Variants in SOAT2 observed in about 807,000 individuals in gnomAD.
The protein encoded by SOAT2 is sterol O-acyltransferase 2, also known as ACAT-2.
In SOAT2, 87 loss-of-function variants were observed where a neutral mutation model predicts 76.0. The observed-to-expected ratio is 1.14, with a 90% CI of 0.96 to 1.37. The LOEUF (loss-of-function observed/expected upper bound fraction) is 1.37, where lower values mean the gene tolerates loss of function less well. SOAT2 is among the 40% of genes most tolerant of loss of function. The pLI, the probability that SOAT2 is intolerant of heterozygous loss-of-function variation, is 0.00. For missense variants in SOAT2, 686 were observed against 682.1 expected, an observed-to-expected ratio of 1.01 and a Z score of -0.06; for synonymous variants, 285 against 275.4, an observed-to-expected ratio of 1.03 and a Z score of -0.34.
chr12:53,114,810 G>A (rs897220568), intron 5 of SOAT2, among the ~76,000 whole-genome samples: 7 of 152,128 alleles, frequency 4.6e-5, no homozygotes, highest in African/African-American at 2.4e-5. Flanking sequence ...GAGGTTTCAC[G>A]TAAACAAGAA....
At chr12:53,119,019 G>T in intron 9 of SOAT2, 84 bp downstream of exon 9, 1 of 1,610,108 alleles carries the variant, frequency 6.2e-7, no homozygotes. Context: ...GAGGCAGTGG[G>T]AGGGTGATGC....
At chr12:53,111,271 A>G (rs945109248) in intron 5 of SOAT2, among the ~76,000 whole-genome samples, 2 of 151,980 alleles carry the variant, frequency 1.3e-5, no homozygotes, top group Non-Finnish European at 2.9e-5. Flanking sequence ...ACGCCCGGCT[A>G]ATTTTTTTGG....
At chr12:53,103,723 T>G in intron 1 of SOAT2, 64 bp downstream of exon 1, 4 of 1,274,928 alleles carry the variant, frequency 3.1e-6, no homozygotes, top group Non-Finnish European at 4.2e-6. Context: ...AGAGATGCGC[T>G]ATGGAGAGAA....
intron 2 of SOAT2, 63 bp downstream of exon 2, chr12:53,104,269 A>T: frequency 7.4e-5 from 69 of 935,780 alleles, no homozygotes; most frequent in Non-Finnish European, 1.1e-4. Context: ...AGCAGGAGTG[A>T]GGCTTGGTGA....
At chr12:53,104,288 A>T in intron 2 of SOAT2, 82 bp downstream of exon 2, 2 of 750,400 alleles carry the variant, frequency 2.7e-6, no homozygotes, top group Non-Finnish European at 4.2e-6. Flanking sequence ...GATAAAGATG[A>T]CTTTTTTTTT....
chr12:53,115,502 C>T lies in SOAT2; in HGVS notation c.556C>T (p.Arg186Trp), dbSNP rs781579416. 5.0e-6 allele frequency: 8 copies of T among 1,609,210 alleles called. No individual in the cohort carries two copies. Among genetic ancestry groups the T allele is most frequent in the Admixed American group, 3.3e-5 (2 of 60,012 alleles). ...STLLAPYQAL[R>W]LWARGTWTQA... is the part of the protein sequence containing the mutation. The stretch of plus-strand genomic sequence containing the variant: ...CCTGTTGGCGCCGTACCAGGCCCTA[C>T]GGCTGTGGGCCAGGGGCACCTGGAC... Residue 186 changes from arginine to tryptophan, a missense_variant, in exon 6 of 15, where the codon CGG becomes TGG. Arg to Trp is a moderately radical substitution (Grantham distance 101). Coordinates refer to ENST00000301466, the MANE Select transcript of SOAT2 (RefSeq NM_003578.4).
intron 7 of SOAT2, among the ~76,000 whole-genome samples, chr12:53,116,774 GAGA>G (rs138821544): frequency 0.019 from 2,828 of 151,834 alleles, 80 homozygotes; most frequent in African/African-American, 0.064. Context: ...AGGCTGAGGT[GAGA>G]AGATTACTTG....
At position 53,121,419 on chromosome 12, in the gene SOAT2, C is replaced by T. The variant is rs2121303985; in HGVS notation, c.1236+18C>T. ...GGCTGCGGGTATGGGCCCTGCAGAC[C>T]CCTTCAGCTCTCACAGTTAATAGGG... On this transcript the variant is annotated intron_variant, in intron 12 of 14. Coordinates refer to ENST00000301466, the MANE Select transcript of SOAT2 (RefSeq NM_003578.4). 1 of 1,589,508 alleles carries T rather than the reference C, an allele frequency of 6.3e-7. No homozygotes were observed. The highest frequency in any genetic ancestry group is 1.1e-5 in the South Asian group (1 of 90,562).
chr12:53,109,351 A>G (rs1343450175), intron 5 of SOAT2, among the ~76,000 whole-genome samples: 2 of 152,192 alleles, frequency 1.3e-5, no homozygotes, highest in East Asian at 1.9e-4. Context: ...ATTTATACAA[A>G]TATAGCCCAA....
At chr12:53,113,040 T>C (rs1165060050) in intron 5 of SOAT2, among the ~76,000 whole-genome samples, 5 of 152,134 alleles carry the variant, frequency 3.3e-5, no homozygotes, top group African/African-American at 1.2e-4. Context: ...CCCAAAGTGC[T>C]GGGATTACAG....
Position 53,123,001 on chromosome 12 carries a change from G to A in SOAT2, c.1237-80G>A, listed in dbSNP as rs1053778109. The A allele has an allele frequency of 3.7e-5, 52 of 1,421,102 alleles. No individual in the cohort carries two copies. In the Admixed American group the frequency reaches 1.4e-3, roughly 37 times the overall value. The allele number at this position is 1,421,102 out of a possible 1,614,324, so 88.0% of individuals were successfully genotyped here. A position where few individuals can be genotyped will look rare whatever the true frequency, so the allele number is the denominator to read the frequency against. ...TCCCTGCCGGACTGGGCGGCTGGCCGGGCGGGGGGCTGGAGGTGGGGGCTC... is the reference window on the plus strand; with the variant it reads ...TCCCTGCCGGACTGGGCGGCTGGCCAGGCGGGGGGCTGGAGGTGGGGGCTC... On this transcript the variant is annotated intron_variant, in intron 12 of 14. Transcript: ENST00000301466.
Position 53,105,385 on chromosome 12 carries a change from TC to T in SOAT2, c.275+144del. 6 of 1,242,012 alleles carry T rather than the reference TC, an allele frequency of 4.8e-6. No homozygotes were observed. In the South Asian group the frequency reaches 8.7e-5, roughly 18 times the overall value. The allele number at this position is 1,242,012 out of a possible 1,614,324, so 76.9% of individuals were successfully genotyped here. A position where few individuals can be genotyped will look rare whatever the true frequency, so the allele number is the denominator to read the frequency against. On this transcript the variant is annotated intron_variant, in intron 3 of 14. Coordinates refer to ENST00000301466, the MANE Select transcript of SOAT2 (RefSeq NM_003578.4). ...CCCCCTTGTCTTCCTAACACTGACC[TC>T]CATCTACTGGGCCTCGCTCTGCCCT...
chr12:53,112,722 C>T (rs977874926), intron 5 of SOAT2, among the ~76,000 whole-genome samples: 20 of 151,646 alleles, frequency 1.3e-4, no homozygotes, highest in African/African-American at 4.6e-4. Context: ...TTTTTCCTTC[C>T]CAGTGGCCTC....
intron 5 of SOAT2, among the ~76,000 whole-genome samples, chr12:53,111,853 G>A (rs575990720): frequency 6.6e-6 from 1 of 152,190 alleles, no homozygotes; most frequent in South Asian, 2.1e-4. Flanking sequence ...AAGTATTTAA[G>A]TGCTTTTATT....
chr12:53,112,226 G>C (rs1249725830), intron 5 of SOAT2, among the ~76,000 whole-genome samples: 1 of 152,058 alleles, frequency 6.6e-6, no homozygotes, highest in East Asian at 1.9e-4. Context: ...TCAGTCAACT[G>C]AGAAGGAAAA....
chr12:53,113,513 G>A (rs965404981), intron 5 of SOAT2, among the ~76,000 whole-genome samples: 6 of 152,130 alleles, frequency 3.9e-5, no homozygotes, highest in African/African-American at 1.4e-4. Flanking sequence ...GCACCATCCC[G>A]GTCTCTCCTG....
chr12:53,118,487 C>G lies in SOAT2; in HGVS notation c.863+53C>G, dbSNP rs1412810066. The G allele has an allele frequency of 6.8e-6, 9 of 1,322,816 alleles. No individual in the cohort carries two copies. In the African/African-American group the frequency reaches 1.2e-4, roughly 17 times the overall value. 81.9% of individuals were successfully genotyped at this position (1,322,816 alleles called of 1,614,324 possible). On this transcript the variant is annotated intron_variant, in intron 8 of 14. Transcript: ENST00000301466. Reference sequence around the variant, plus strand: ...GCCCAGGCCCATCAGGAAACTTACCCTTCTACTCTCCCCTCCCTGAGGTCC... The same window carrying G: ...GCCCAGGCCCATCAGGAAACTTACCGTTCTACTCTCCCCTCCCTGAGGTCC...
intron 10 of SOAT2, among the ~76,000 whole-genome samples, chr12:53,120,536 G>A (rs1376948307): frequency 2.6e-5 from 4 of 151,858 alleles, no homozygotes; most frequent in Non-Finnish European, 5.9e-5. Flanking sequence ...TTACTTGGGA[G>A]GCTGAGGTGG....
In SOAT2 at chr12:53,122,981, G is replaced by C. The variant is rs1358869040; in HGVS notation, c.1237-100G>C. On this transcript the variant is annotated intron_variant, in intron 12 of 14. Transcript: ENST00000301466. Reference sequence around the variant, plus strand: ...GGGGGGCTGACCCCCCCACCTCCCTGCCGGACTGGGCGGCTGGCCGGGCGG... The same window carrying C: ...GGGGGGCTGACCCCCCCACCTCCCTCCCGGACTGGGCGGCTGGCCGGGCGG... The C allele has an allele frequency of 3.1e-5, 41 of 1,330,414 alleles. No homozygotes were observed. The East Asian group carries it at 6.8e-4, about 22-fold the overall frequency. 82.4% of individuals were successfully genotyped at this position (1,330,414 alleles called of 1,614,324 possible). A position where few individuals can be genotyped will look rare whatever the true frequency, so the allele number is the denominator to read the frequency against.
Sources: allele counts gnomAD v4.1 joint callset (sites outside exome capture counted in the v4.1 genomes callset), GRCh38; gene constraint gnomAD v4.1.1; transcripts MANE v1.5; gene names NCBI Gene and HGNC (gene_info 2026-07-23, HGNC 2026-07-21).